VAV2: variants seen among roughly 807,000 people sequenced by gnomAD.
VAV2 encodes the protein guanine nucleotide exchange factor VAV2.
In VAV2, 67 loss-of-function variants were observed where a neutral mutation model predicts 132.5. The ratio of observed to expected loss-of-function variants is 0.51; its 90% CI spans 0.42 to 0.62. The LOEUF (loss-of-function observed/expected upper bound fraction) is 0.62. VAV2 is among the 20% of genes least tolerant of loss of function. The pLI is 0.00. For missense variants in VAV2, 938 were observed against 1,153.6 expected (o/e 0.81, Z 2.71); for synonymous variants, 492 against 443.5 (o/e 1.11, Z -1.37).
intron 1 of VAV2, among the ~76,000 whole-genome samples, chr9:133,966,193 T>C (rs1220292343): frequency 1.3e-5 from 2 of 152,262 alleles, no homozygotes; most frequent in East Asian, 3.9e-4. Flanking sequence ...AAGAAAACAT[T>C]GGGGAAATGC....
rs534931941 is a variant in VAV2 at position 133,809,531 on chromosome 9, A to C, written c.568-393T>G. ...ACTTGCTAAAACACCTACTGTGTGC[A>C]TAAGTCCTCTCTACGTGGCAGACTG... On this transcript the variant is annotated intron_variant, in intron 6 of 29. Coordinates refer to ENST00000371850, the MANE Select transcript of VAV2 (RefSeq NM_001134398.2). Among the ~76,000 whole-genome samples the C allele has an allele frequency of 1.2e-4, 19 of 152,340 alleles. No individual in the cohort carries two copies. In the South Asian group the frequency reaches 3.9e-3, roughly 32 times the overall value.
At chr9:133,865,248 C>A (rs1242721246) in intron 2 of VAV2, among the ~76,000 whole-genome samples, 1 of 152,192 alleles carries the variant, frequency 6.6e-6, no homozygotes, top group Admixed American at 6.5e-5. Context: ...ACGTAGACTG[C>A]GGATTCACTG....
chr9:133,957,825 G>C (rs541415957), intron 1 of VAV2, among the ~76,000 whole-genome samples: 1 of 139,906 alleles, frequency 7.1e-6, no homozygotes, highest in Non-Finnish European at 1.6e-5. Flanking sequence ...TATCTGTGTA[G>C]AAAGAAGTAG....
intron 25 of VAV2, among the ~76,000 whole-genome samples, chr9:133,773,226 C>T (rs374808070): frequency 6.6e-6 from 1 of 152,354 alleles, no homozygotes; most frequent in South Asian, 2.1e-4. Flanking sequence ...CTATTGCTCC[C>T]GGGCTACAGA....
intron 2 of VAV2, among the ~76,000 whole-genome samples, chr9:133,936,839 C>T (rs562352421): frequency 3.9e-4 from 59 of 152,338 alleles, no homozygotes; most frequent in Non-Finnish European, 7.3e-4. Context: ...CACCACTGAC[C>T]GCCACGGTGA....
chr9:133,868,891 TC>T (rs753496304), intron 2 of VAV2, among the ~76,000 whole-genome samples: 10 of 152,104 alleles, frequency 6.6e-5, no homozygotes, highest in Non-Finnish European at 1.2e-4. Context: ...CAAAGGGAAA[TC>T]AAGCTGGGTG....
intron 2 of VAV2, among the ~76,000 whole-genome samples, chr9:133,933,478 T>G (rs1469540826): frequency 3.3e-5 from 2 of 60,518 alleles, no homozygotes; most frequent in Non-Finnish European, 4.6e-5. Context: ...GATGAATGGA[T>G]GAGTGGATGG....
In VAV2 at chr9:133,783,876, C is replaced by CTTTTTTTT. The variant is rs1564342140; in HGVS notation, c.1635-286_1635-285insAAAAAAAA. Among the ~76,000 whole-genome samples, 10 of 124,974 alleles carry CTTTTTTTT rather than the reference C, an allele frequency of 8.0e-5. 4 individuals carry two copies. Among genetic ancestry groups the CTTTTTTTT allele is most frequent in the Non-Finnish European group, 8.1e-5 (5 of 61,608 alleles). The allele number at this position is 124,974 out of a possible 152,430, so 82.0% of individuals were successfully genotyped here. ...TGAAACTCTAAGGGCTTGGCTGGGC[C>CTTTTTTTT]GTTTTTTTTTTTTTTTTTTTTGGAG... is the stretch of plus-strand genomic sequence containing the variant. On this transcript the variant is annotated intron_variant, in intron 18 of 29. Coordinates refer to ENST00000371850, the MANE Select transcript of VAV2 (RefSeq NM_001134398.2).
chr9:133,774,738 G>T (rs1833752328), intron 25 of VAV2, among the ~76,000 whole-genome samples, 197 bp downstream of exon 25: 1 of 152,150 alleles, frequency 6.6e-6, no homozygotes, highest in Admixed American at 6.6e-5. Flanking sequence ...GCATGCCAGG[G>T]GTTCAGGCCC....
At chr9:133,820,951 C>G (rs1835763872) in intron 4 of VAV2, among the ~76,000 whole-genome samples, 1 of 152,192 alleles carries the variant, frequency 6.6e-6, no homozygotes, top group South Asian at 2.1e-4. Flanking sequence ...AGAGCGCCAG[C>G]CCCACATGGC....
Position 133,885,334 on chromosome 9 carries a change from TC to T in VAV2, c.322-23903del, listed in dbSNP as rs1838659718. ...AGCTGCACTGTCTGCCTCTGCTTCT[TC>T]CCCACAAGTTCAAGGTCGGTGTACT... On this transcript the variant is annotated intron_variant, in intron 2 of 29. Transcript: ENST00000371850. The surrounding 1 kb of genome is among the most constrained non-coding windows in gnomAD (Gnocchi z 5.0). Among the ~76,000 whole-genome samples, 1 of 152,210 alleles carries T rather than the reference TC, an allele frequency of 6.6e-6. No homozygotes were observed. Among genetic ancestry groups the T allele is most frequent in the African/African-American group, 2.4e-5 (1 of 41,456 alleles).
rs189915562 is a variant in VAV2, at chr9:133,989,269, G to A, written c.204+2806C>T. ...CAGGAGAATCGCTTGAACCCGGGAGGTGGATGTTGTGGTGAGCTGAGATAG... is the reference window on the plus strand; with the variant it reads ...CAGGAGAATCGCTTGAACCCGGGAGATGGATGTTGTGGTGAGCTGAGATAG... On this transcript the variant is annotated intron_variant, in intron 1 of 29. Transcript: ENST00000371850. 2.5e-3 allele frequency among the ~76,000 whole-genome samples: 375 copies of A among 151,936 alleles called. 2 individuals are homozygous for A. Among genetic ancestry groups the A allele is most frequent in the African/African-American group, 8.7e-3 (362 of 41,376 alleles).
At chr9:133,967,545 T>C (rs1842184241) in intron 1 of VAV2, among the ~76,000 whole-genome samples, 1 of 152,168 alleles carries the variant, frequency 6.6e-6, no homozygotes, top group South Asian at 2.1e-4. Flanking sequence ...AGAATACTAT[T>C]CAGCCATGAA....
At chr9:133,977,349 T>C (rs947817236) in intron 1 of VAV2, among the ~76,000 whole-genome samples, 5 of 152,118 alleles carry the variant, frequency 3.3e-5, no homozygotes, top group Non-Finnish European at 5.9e-5. Flanking sequence ...AGCAGAAAGA[T>C]GAGCTGGGGC....
chr9:133,872,416 C>T (rs1027518043), intron 2 of VAV2, among the ~76,000 whole-genome samples: 1 of 152,194 alleles, frequency 6.6e-6, no homozygotes, highest in African/African-American at 2.4e-5. Context: ...GGGCTGATGG[C>T]GTCCTCACTC....
chr9:133,908,031 T>G (rs1564455843), intron 2 of VAV2, among the ~76,000 whole-genome samples: 2 of 70,746 alleles, frequency 2.8e-5, no homozygotes, highest in Non-Finnish European at 5.1e-5. Flanking sequence ...GGAGGGAGGG[T>G]CTGAAGGCGC....
chr9:133,787,408 G>T, intron 15 of VAV2, 148 bp from the exon 16 acceptor site: 2 of 943,854 alleles, frequency 2.1e-6, no homozygotes, highest in Non-Finnish European at 2.9e-6. Flanking sequence ...GGTGATCAGT[G>T]GGGAAAGGAA....
intron 2 of VAV2, among the ~76,000 whole-genome samples, chr9:133,913,498 T>C (rs1839953940): frequency 6.6e-6 from 1 of 151,974 alleles, no homozygotes; most frequent in South Asian, 2.1e-4. Context: ...TCAAGGGCGG[T>C]TTCTCCAAAA....
chr9:133,792,320 T>G (rs1834517817), intron 12 of VAV2, among the ~76,000 whole-genome samples: 1 of 127,652 alleles, frequency 7.8e-6, no homozygotes, highest in African/African-American at 3.1e-5. Flanking sequence ...GTGTGTGTGA[T>G]TGTGTGTATG....
Sources: gnomAD v4.1 joint callset for allele counts (sites outside exome capture counted in the v4.1 genomes callset) on GRCh38, gnomAD v4.1.1 for gene constraint, Gnocchi (gnomAD v3.1) non-coding constraint, MANE v1.5 for transcripts, NCBI Gene and HGNC (gene_info 2026-07-23, HGNC 2026-07-21) for gene names.